The following DNAH11 variants were observed in gnomAD, a reference collection of about 807,000 sequenced individuals.
The protein encoded by DNAH11 is dynein axonemal heavy chain 11, also known as axonemal beta dynein heavy chain 11.
A neutral mutation model predicts 526.0 loss-of-function variants in DNAH11; 442 were observed. The observed-to-expected ratio is 0.84, with a 90% confidence interval of 0.78 to 0.91. The LOEUF (loss-of-function observed/expected upper bound fraction) is 0.91, where lower values mean the gene tolerates loss of function less well. Ranked by LOEUF, DNAH11 falls within the 40% of genes least tolerant of loss-of-function variation. The pLI is 0.00. For synonymous variants in DNAH11, 2,461 were observed against 1,935.9 expected, an observed-to-expected ratio of 1.27 and a Z score of -7.12; for missense variants, 6,989 against 5,448.7, an observed-to-expected ratio of 1.28 and a Z score of -8.90.
At chr7:21,628,589 C>T (rs941442467) in intron 25 of DNAH11, among the ~76,000 whole-genome samples, 3 of 152,124 alleles carry the variant, frequency 2.0e-5, no homozygotes, top group Admixed American at 6.5e-5. Context: ...TGCTACATCA[C>T]ATTTGTTGAC....
At chr7:21,773,666 TCTGA>T in intron 55 of DNAH11, 96 bp from the exon 56 acceptor site, 1 of 910,524 alleles carries the variant, frequency 1.1e-6, no homozygotes, top group East Asian at 2.8e-5. Flanking sequence ...CATTTTTTTT[TCTGA>T]CTTTTAGAAA....
In DNAH11 at chr7:21,601,435, C is replaced by T. The variant is rs755144481; in HGVS notation, c.3465C>T (p.Ser1155=). 16 of 1,613,210 alleles carry T rather than the reference C, an allele frequency of 9.9e-6. No homozygotes were observed. Among genetic ancestry groups the T allele is most frequent in the Admixed American group, 5.0e-5 (3 of 59,952 alleles). The change falls in exon 18 of 82, where the codon TCC becomes TCT. Residue 1155 remains serine, a synonymous_variant. Transcript: ENST00000409508. ...AAGAATTTATAAAGGAGACAGATTC[C>T]GGACTTCAGAGAGAATTAAATGAAG... is the stretch of plus-strand genomic sequence containing the variant. The part of the protein sequence containing the change: ...ELQEFIKETD[S]GLQRELNEGD...
intron 61 of DNAH11, among the ~76,000 whole-genome samples, chr7:21,793,923 G>A (rs543670695): frequency 3.3e-5 from 5 of 152,130 alleles, no homozygotes; most frequent in Admixed American, 1.3e-4. Flanking sequence ...GCTCTTTTGA[G>A]GTCATTCTCT....
chr7:21,639,104 A>C, intron 28 of DNAH11, 39 bp downstream of exon 28: 1 of 1,570,280 alleles, frequency 6.4e-7, no homozygotes, highest in Non-Finnish European at 8.6e-7. Flanking sequence ...ATACTGTGTT[A>C]GCTGAGGAAT....
chr7:21,900,909 C>A, intron 81 of DNAH11, 98 bp from the exon 82 acceptor site: 2 of 1,475,368 alleles, frequency 1.4e-6, no homozygotes, highest in African/African-American at 1.4e-5. Flanking sequence ...TATGACAAAA[C>A]CAGAATGTTG....
intron 65 of DNAH11, among the ~76,000 whole-genome samples, chr7:21,833,335 A>G (rs527553416): frequency 6.6e-6 from 1 of 152,312 alleles, no homozygotes; most frequent in African/African-American, 2.4e-5. Context: ...ACACACTGGA[A>G]TTTCTCTAAG....
At chr7:21,702,137 A>G (rs1307668107) in intron 36 of DNAH11, among the ~76,000 whole-genome samples, 3 of 152,156 alleles carry the variant, frequency 2.0e-5, no homozygotes, top group African/African-American at 7.2e-5. Context: ...GAGATCCTCT[A>G]AGAGCTCAGA....
chr7:21,695,834 T>A (rs1783825478), intron 35 of DNAH11, among the ~76,000 whole-genome samples: 1 of 152,078 alleles, frequency 6.6e-6, no homozygotes, highest in Admixed American at 6.5e-5. Context: ...ATTTTTGCAA[T>A]CTATCCATCT....
In DNAH11 at chr7:21,791,980, C is replaced by T. The variant is rs1173826986; in HGVS notation, c.10026+2638C>T. 3.3e-5 allele frequency among the ~76,000 whole-genome samples: 5 copies of T among 152,136 alleles called. No individual in the cohort carries two copies. In the East Asian group the frequency reaches 7.7e-4, roughly 24 times the overall value. On this transcript the variant is annotated intron_variant, in intron 61 of 81. Coordinates refer to ENST00000409508, the MANE Select transcript of DNAH11 (RefSeq NM_001277115.2). ...GAAGCATAGCAGTTCCTGCTTTGGG[C>T]GGGGCCTCAGGAAACTTTCAACCAT...
At position 21,647,688 on chromosome 7, in the gene DNAH11, C is replaced by T. The variant is rs528512479; in HGVS notation, c.4945-8144C>T. Among the ~76,000 whole-genome samples, 12 of 152,008 alleles carry T rather than the reference C, an allele frequency of 7.9e-5. No individual in the cohort carries two copies. The East Asian group carries it at 2.3e-3, about 29-fold the overall frequency. On this transcript the variant is annotated intron_variant, in intron 28 of 81. Transcript: ENST00000409508. ...CCTTGTGATCTGCCTGCCTCAGCCT[C>T]CCAAAGAGCTGGGATTACAGGCATT... is the stretch of plus-strand genomic sequence containing the variant.
chr7:21,899,346 C>G lies in DNAH11; in HGVS notation c.13060C>G (p.Leu4354Val). 3 of 1,613,938 alleles carry G rather than the reference C, an allele frequency of 1.9e-6. No homozygotes were observed. The African/African-American group carries it at 4.0e-5, about 22-fold the overall frequency. The change falls in exon 80 of 82, where the codon CTC (leucine) becomes GTC (valine). Residue 4354 changes from leucine (L) to valine (V), a missense_variant. Transcript: ENST00000409508. ...CCTCCCATAAACCAGGTTCAATGACCTCCTCCTGCGATGCCGAGAACTCGA... is the reference window on the plus strand; with the variant it reads ...CCTCCCATAAACCAGGTTCAATGACGTCCTCCTGCGATGCCGAGAACTCGA... ...TYGLAQWFND[L>V]LLRCRELDTW... is the part of the protein sequence containing the mutation.
chr7:21,836,305 C>G (rs1187567419), intron 65 of DNAH11, among the ~76,000 whole-genome samples: 1 of 151,156 alleles, frequency 6.6e-6, no homozygotes, highest in Admixed American at 6.6e-5. Flanking sequence ...CAACCTTGAG[C>G]AAAAAAAACA....
intron 51 of DNAH11, among the ~76,000 whole-genome samples, chr7:21,747,065 C>T (rs17145214): frequency 0.045 from 6,852 of 152,182 alleles, 327 homozygotes; most frequent in East Asian, 0.27. Flanking sequence ...GATTTCAGAG[C>T]GTGTCCTTGA....
Position 21,557,170 on chromosome 7 carries a change from C to T in DNAH11, c.496-1632C>T, listed in dbSNP as rs73269762. Among the ~76,000 whole-genome samples, 684 of 152,224 alleles carry T rather than the reference C, an allele frequency of 4.5e-3. 4 individuals are homozygous for T. The highest frequency in any genetic ancestry group is 0.015 in the African/African-American group (609 of 41,530). The stretch of plus-strand genomic sequence containing the variant: ...TTTGCAGAGTTCTTCACAAACTACC[C>T]GTGCCGTCCTCACAGCCCAAGTATT... On this transcript the variant is annotated intron_variant, in intron 2 of 81. Coordinates refer to ENST00000409508, the MANE Select transcript of DNAH11 (RefSeq NM_001277115.2).
chr7:21,687,157 C>T lies in DNAH11; in HGVS notation c.5680C>T (p.Pro1894Ser). The change falls in exon 33 of 82, where the codon CCA becomes TCA. Residue 1894 changes from proline to serine, a missense_variant. By Grantham distance (74) the Pro-to-Ser change is moderately conservative. Transcript: ENST00000409508. ...AACCATGAGTGGGGCTCCTGCTGGCCCAGCTGGTACCGGGAAAACAGAGAC... is the reference window on the plus strand; with the variant it reads ...AACCATGAGTGGGGCTCCTGCTGGCTCAGCTGGTACCGGGAAAACAGAGAC... The part of the protein sequence containing the change: ...HLTMSGAPAG[P>S]AGTGKTETTK... The T allele has an allele frequency of 1.9e-6, 3 of 1,613,194 alleles. No homozygotes were observed. Among genetic ancestry groups the T allele is most frequent in the Non-Finnish European group, 2.5e-6 (3 of 1,179,536 alleles).
Position 21,660,648 on chromosome 7 carries a change from C to G in DNAH11, c.5328+1617C>G, listed in dbSNP as rs186516507. Among the ~76,000 whole-genome samples the G allele has an allele frequency of 4.2e-5, 6 of 143,292 alleles. No individual in the cohort carries two copies. The Admixed American group carries it at 4.4e-4, about 10-fold the overall frequency. 94.0% of individuals were successfully genotyped at this position (143,292 alleles called of 152,430 possible). On this transcript the variant is annotated intron_variant, in intron 30 of 81. Coordinates refer to ENST00000409508, the MANE Select transcript of DNAH11 (RefSeq NM_001277115.2). Reference sequence around the variant, plus strand: ...GAAAAATTATTAACATTTTGGCATGCAAACATCAAAAGTTTTTTCTCTATT... The same window carrying G: ...GAAAAATTATTAACATTTTGGCATGGAAACATCAAAAGTTTTTTCTCTATT...
chr7:21,571,481 T>A (rs1416947310), intron 7 of DNAH11, among the ~76,000 whole-genome samples: 9 of 152,092 alleles, frequency 5.9e-5, no homozygotes, highest in Non-Finnish European at 1.5e-5. Flanking sequence ...GATCTTTCCT[T>A]GTTGCCCAGG....
At chr7:21,882,780 G>A (rs564713540) in intron 75 of DNAH11, among the ~76,000 whole-genome samples, 1 of 152,152 alleles carries the variant, frequency 6.6e-6, no homozygotes, top group African/African-American at 2.4e-5. Flanking sequence ...CTGAGCAACA[G>A]AGTAAAACTC....
At chr7:21,755,088 A>G (rs1786570458) in intron 54 of DNAH11, among the ~76,000 whole-genome samples, 1 of 152,134 alleles carries the variant, frequency 6.6e-6, no homozygotes, top group African/African-American at 2.4e-5. Flanking sequence ...AAATGATGTG[A>G]AGTTGCCACC....
Sources: gnomAD v4.1 joint callset for allele counts (sites outside exome capture counted in the v4.1 genomes callset) on GRCh38, gnomAD v4.1.1 for gene constraint, MANE v1.5 for transcripts, NCBI Gene and HGNC (gene_info 2026-07-23, HGNC 2026-07-21) for gene names.